OTOG: variants seen among roughly 807,000 people sequenced by gnomAD.
The protein encoded by OTOG is otogelin.
OTOG carries 296 observed loss-of-function variants against 313.8 expected under a neutral mutation model. That is an observed-to-expected ratio of 0.94 (90% CI 0.86 to 1.04). OTOG has a LOEUF of 1.04. Ranked by LOEUF, OTOG falls within the 50% of genes least tolerant of loss-of-function variation. The pLI is 0.00. For synonymous variants in OTOG, 1,533 were observed against 1,554.9 expected, an observed-to-expected ratio of 0.99 and a Z score of 0.33; for missense variants, 3,948 against 3,840.1, an observed-to-expected ratio of 1.03 and a Z score of -0.74.
intron 45 of OTOG, 29 bp downstream of exon 45, chr11:17,634,977 G>C: frequency 6.7e-7 from 1 of 1,498,590 alleles, no homozygotes; most frequent in Non-Finnish European, 9.1e-7. Flanking sequence ...GGAGGGTGGG[G>C]GACGGACTGA....
At chr11:17,559,417 G>GAAATCATGA in intron 11 of OTOG, 117 bp from the exon 12 acceptor site, 2 of 1,376,860 alleles carry the variant, frequency 1.5e-6, no homozygotes, top group Non-Finnish European at 2.0e-6. Flanking sequence ...CTGGGACTAG[G>GAAATCATGA]AAATCATGAA....
chr11:17,631,796 G>T lies in OTOG; in HGVS notation c.6807G>T (p.Trp2269Cys). 1 of 1,550,648 alleles carries T rather than the reference G, an allele frequency of 6.4e-7. No homozygotes were observed. Among genetic ancestry groups the T allele is most frequent in the Non-Finnish European group, 8.7e-7 (1 of 1,147,000 alleles). Reference protein sequence around the residue: ...AEDPAPFLDSWQVPSSLTSVG... With the variant: ...AEDPAPFLDSCQVPSSLTSVG... ...ACCCTGCTCCCTTTCTGGACAGCTG[G>T]CAGGTGCCCAGCTCCCTGACCTCAG... Residue 2269 changes from tryptophan to cysteine, a missense_variant, in exon 41 of 56, where the codon TGG becomes TGT. Trp to Cys is a radical substitution (Grantham distance 215). Coordinates refer to ENST00000399397, the MANE Select transcript of OTOG (RefSeq NM_001292063.2).
At chr11:17,564,886 A>G (rs1267084661) in intron 15 of OTOG, among the ~76,000 whole-genome samples, 1 of 152,200 alleles carries the variant, frequency 6.6e-6, no homozygotes, top group Non-Finnish European at 1.5e-5. Flanking sequence ...GGATGTTATC[A>G]CAGCATCTGA....
chr11:17,643,370 C>T, intron 53 of OTOG, 91 bp from the exon 54 acceptor site: 1 of 894,032 alleles, frequency 1.1e-6, no homozygotes, highest in Non-Finnish European at 1.6e-6. Context: ...AGAGTCAAGA[C>T]TCCTGTACTC....
rs537898669 is a variant in OTOG, at chr11:17,624,313, T to A, written c.6529-4820T>A. ...CTTACATTTAAGTCTTTAATCTATC[T>A]TAAGTTAATATTTGTATATGGCGTA... On this transcript the variant is annotated intron_variant, in intron 39 of 55. Transcript: ENST00000399397. Among the ~76,000 whole-genome samples, 27 of 152,378 alleles carry A rather than the reference T, an allele frequency of 1.8e-4. No homozygotes were observed. In the South Asian group the frequency reaches 2.5e-3, roughly 14 times the overall value.
intron 31 of OTOG, 81 bp downstream of exon 31, chr11:17,599,778 C>A (rs1853201791): frequency 6.8e-7 from 1 of 1,469,270 alleles, no homozygotes; most frequent in Non-Finnish European, 9.3e-7. Flanking sequence ...CATCAGCCAT[C>A]CCGAGGCGCT....
chr11:17,558,420 C>T, intron 9 of OTOG, 105 bp downstream of exon 9: 1 of 1,517,804 alleles, frequency 6.6e-7, no homozygotes, highest in Non-Finnish European at 8.9e-7. Context: ...TGCCCTTGAC[C>T]CCATCCCTCT....
intron 23 of OTOG, 114 bp downstream of exon 23, chr11:17,578,640 C>T: frequency 7.6e-7 from 1 of 1,307,280 alleles, no homozygotes; most frequent in Non-Finnish European, 1.0e-6. Context: ...AGGCACTGGC[C>T]CAGGCTGGCC....
intron 23 of OTOG, among the ~76,000 whole-genome samples, chr11:17,580,745 T>C (rs1176115019): frequency 6.6e-6 from 1 of 152,164 alleles, no homozygotes; most frequent in Non-Finnish European, 1.5e-5. Context: ...AACCAATATT[T>C]ATTGTGTTTC....
chr11:17,631,633 A>G, intron 40 of OTOG, 69 bp from the exon 41 acceptor site: 1 of 1,296,504 alleles, frequency 7.7e-7, no homozygotes, highest in South Asian at 1.4e-5. Context: ...GGAATACAAA[A>G]AGTGAGAGCT....
At chr11:17,566,890 A>G (rs1852303430) in intron 15 of OTOG, among the ~76,000 whole-genome samples, 1 of 152,168 alleles carries the variant, frequency 6.6e-6, no homozygotes, top group South Asian at 2.1e-4. Context: ...GTTATCATCT[A>G]CATTTCATCC....
At chr11:17,614,607 C>T (rs7128016) in intron 39 of OTOG, among the ~76,000 whole-genome samples, 6 of 152,108 alleles carry the variant, frequency 3.9e-5, no homozygotes, top group Non-Finnish European at 7.4e-5. Context: ...ACCCCTCCCC[C>T]CTCCTGCTGA....
intron 33 of OTOG, among the ~76,000 whole-genome samples, chr11:17,607,090 T>C (rs1853408118): frequency 6.6e-6 from 1 of 152,242 alleles, no homozygotes; most frequent in African/African-American, 2.4e-5. Flanking sequence ...ACTTGGTTTC[T>C]TCACCTGTAG....
chr11:17,575,486 G>C (rs1176495872), intron 20 of OTOG, among the ~76,000 whole-genome samples: 1 of 152,154 alleles, frequency 6.6e-6, no homozygotes, highest in Non-Finnish European at 1.5e-5. Context: ...GAGGAAGGGG[G>C]CTCCAGGAAG....
chr11:17,569,243 G>A lies in OTOG; in HGVS notation c.1732G>A (p.Val578Ile), dbSNP rs1199095400. The A allele has an allele frequency of 6.4e-7, 1 of 1,550,578 alleles. No individual in the cohort carries two copies. Among genetic ancestry groups the A allele is most frequent in the South Asian group, 1.2e-5 (1 of 84,056 alleles). Residue 578 changes from valine to isoleucine, a missense_variant, in exon 16 of 56, where the codon GTC (valine) becomes ATC (isoleucine). Physicochemically the swap from Val to Ile is conservative, Grantham distance 29 (BLOSUM62 3). Transcript: ENST00000399397. The stretch of plus-strand genomic sequence containing the variant: ...GGTGACCCTGACCCAGGCAGGGGAT[G>A]TCCTTCTGTTTGACCAGTACAAGAT... ...RQVTLTQAGD[V>I]LLFDQYKIIP...
intron 31 of OTOG, among the ~76,000 whole-genome samples, chr11:17,600,256 A>T (rs1363734721): frequency 7.0e-6 from 1 of 143,368 alleles, no homozygotes; most frequent in Non-Finnish European, 1.5e-5. Context: ...TCCAGTTTAG[A>T]GCCAATTCAT....
intron 14 of OTOG, among the ~76,000 whole-genome samples, chr11:17,561,450 C>G (rs2134010862): frequency 6.6e-6 from 1 of 152,304 alleles, no homozygotes; most frequent in East Asian, 1.9e-4. Context: ...CAAGGGAGAT[C>G]CCCAGGGCAG....
intron 6 of OTOG, among the ~76,000 whole-genome samples, chr11:17,554,716 C>T (rs951850907): frequency 1.3e-5 from 2 of 152,248 alleles, no homozygotes; most frequent in African/African-American, 4.8e-5. Context: ...TTTCCTCTCT[C>T]TGCCTCGGCC....
chr11:17,573,112 G>T lies in OTOG; in HGVS notation c.2115G>T (p.Thr705=). 6.5e-7 allele frequency: 1 copy of T among 1,548,032 alleles called. No homozygotes were observed. Among genetic ancestry groups the T allele is most frequent in the African/African-American group, 1.4e-5 (1 of 73,168 alleles). ...SYSVQACSVL[T]GEMFAPCSAF... ...CAGTGCAGGCCTGCAGCGTGCTCACGGGGGAGATGTTTGCGCCCTGCTCTG... is the reference window on the plus strand; with the variant it reads ...CAGTGCAGGCCTGCAGCGTGCTCACTGGGGAGATGTTTGCGCCCTGCTCTG... The change falls in exon 19 of 56, where the codon ACG becomes ACT. Residue 705 remains threonine, a synonymous_variant. Transcript: ENST00000399397.
Sources: gnomAD v4.1 joint callset for allele counts (sites outside exome capture counted in the v4.1 genomes callset) on GRCh38, gnomAD v4.1.1 for gene constraint, MANE v1.5 for transcripts, NCBI Gene and HGNC (gene_info 2026-07-23, HGNC 2026-07-21) for gene names.